Variants in AP4S1 observed in about 807,000 individuals in gnomAD.
The protein encoded by AP4S1 is AP-4 complex subunit sigma-1.
Under a neutral mutation model 19.8 loss-of-function variants are expected in AP4S1, and 23 were observed. That is an observed-to-expected ratio of 1.16 (90% CI 0.84 to 1.65). The LOEUF (loss-of-function observed/expected upper bound fraction) is 1.65, where lower values mean the gene tolerates loss of function less well. Among genes scored for constraint, AP4S1 ranks in the 40% most tolerant of loss-of-function variants. AP4S1 has a pLI of 0.00. For missense variants in AP4S1, 166 were observed against 172.8 expected (o/e 0.96, Z 0.22); for synonymous variants, 46 against 54.1 (o/e 0.85, Z 0.66).
chr14:31,095,721 T>C lies in AP4S1; in HGVS notation c.*2686T>C, dbSNP rs1888184016. On this transcript the variant is annotated 3_prime_UTR_variant, in exon 6 of 6. Transcript: ENST00000542754. The stretch of plus-strand genomic sequence containing the variant: ...GGCCTGAGCCACTGTGCCCAGTCTT[T>C]TTATGCCACATTTTAAAAGGTTTGC... The C allele has an allele frequency of 6.6e-6, 1 of 152,256 alleles. No homozygotes were observed. Among genetic ancestry groups the C allele is most frequent in the African/African-American group, 2.4e-5 (1 of 41,476 alleles). The allele number at this position is 152,256 out of a possible 1,614,324, so 9.4% of individuals were successfully genotyped here.
At chr14:31,056,982 G>A (rs147885718) in intron 1 of AP4S1, among the ~76,000 whole-genome samples, 1,588 of 152,260 alleles carry the variant, frequency 0.01, 14 homozygotes, top group Non-Finnish European at 0.015. Context: ...GCTGAGGTGG[G>A]AGGATTGCTT....
intron 1 of AP4S1, among the ~76,000 whole-genome samples, chr14:31,063,819 TACCATGGTAA>T (rs1886569771): frequency 6.6e-6 from 1 of 152,252 alleles, no homozygotes; most frequent in Non-Finnish European, 1.5e-5. Context: ...TTGGCAAATG[TACCATGGTAA>T]TGTGAGATGC....
intron 1 of AP4S1, among the ~76,000 whole-genome samples, chr14:31,061,705 C>T (rs924747830): frequency 6.6e-6 from 1 of 151,226 alleles, no homozygotes; most frequent in South Asian, 2.1e-4. Flanking sequence ...TGCAGTGGTG[C>T]GATGTCAGCT....
At chr14:31,073,213 G>C (rs1050456559) in intron 4 of AP4S1, 4 of 431,468 alleles carry the variant, frequency 9.3e-6, no homozygotes, top group Non-Finnish European at 1.3e-5. Flanking sequence ...TCTTATAGCA[G>C]GGCGCGATGG....
chr14:31,032,538 T>TTG (rs10687883), intron 1 of AP4S1, among the ~76,000 whole-genome samples: 1 of 150,904 alleles, frequency 6.6e-6, no homozygotes, highest in Non-Finnish European at 1.5e-5. Context: ...TTTTTTTTTT[T>TTG]GAGATGAAGT....
chr14:31,087,514 C>G lies in AP4S1; in HGVS notation c.307-5393C>G, dbSNP rs565607340. Among the ~76,000 whole-genome samples, 4 of 152,202 alleles carry G rather than the reference C, an allele frequency of 2.6e-5. No homozygotes were observed. The South Asian group carries it at 8.3e-4, about 32-fold the overall frequency. ...TGGAATTACAAGCCTGCCACCATGC[C>G]TGGCTAATTTTTGTATTTTTAATAG... On this transcript the variant is annotated intron_variant, in intron 5 of 5. Transcript: ENST00000542754.
At chr14:31,070,236 C>T (rs1886930191) in intron 3 of AP4S1, among the ~76,000 whole-genome samples, 1 of 152,102 alleles carries the variant, frequency 6.6e-6, no homozygotes, top group Admixed American at 6.6e-5. Context: ...TCATGATCCG[C>T]CTGCCTCAGA....
intron 1 of AP4S1, among the ~76,000 whole-genome samples, chr14:31,060,426 C>A (rs529559245): frequency 2.0e-5 from 3 of 152,274 alleles, no homozygotes; most frequent in South Asian, 4.1e-4. Context: ...TGTAGACCAG[C>A]GCCTTTGCTA....
At chr14:31,059,186 T>C (rs1294345111) in intron 1 of AP4S1, among the ~76,000 whole-genome samples, 1 of 152,232 alleles carries the variant, frequency 6.6e-6, no homozygotes, top group Non-Finnish European at 1.5e-5. Context: ...ACAGTTAAAA[T>C]TGTCTAATGT....
At chr14:31,053,844 A>T (rs1015887585) in intron 1 of AP4S1, among the ~76,000 whole-genome samples, 1 of 151,862 alleles carries the variant, frequency 6.6e-6, no homozygotes, top group African/African-American at 2.4e-5. Context: ...TCAATTTATC[A>T]CATTTATGTT....
intron 1 of AP4S1, among the ~76,000 whole-genome samples, chr14:31,048,442 G>A (rs1415230951): frequency 6.6e-6 from 1 of 151,858 alleles, no homozygotes; most frequent in Non-Finnish European, 1.5e-5. Context: ...AAAAATTCTA[G>A]CCAGGACCAC....
chr14:31,055,777 T>C (rs924549060), intron 1 of AP4S1, among the ~76,000 whole-genome samples: 2 of 152,156 alleles, frequency 1.3e-5, no homozygotes, highest in Non-Finnish European at 2.9e-5. Context: ...ATAAAAAGCA[T>C]TTAGAGCTAG....
intron 5 of AP4S1, chr14:31,080,792 T>G: frequency 1.4e-6 from 1 of 725,214 alleles, no homozygotes; most frequent in Non-Finnish European, 2.4e-6. Flanking sequence ...TCTTTTTTTT[T>G]CTTTTTAAGA....
chr14:31,085,209 A>G (rs550109622), intron 5 of AP4S1: 1 of 1,084,488 alleles, frequency 9.2e-7, no homozygotes, highest in East Asian at 6.5e-5. Flanking sequence ...CCATCCTCTG[A>G]CTTCCTGGGC....
At chr14:31,071,431 A>G (rs1294677541) in intron 3 of AP4S1, among the ~76,000 whole-genome samples, 4 of 151,948 alleles carry the variant, frequency 2.6e-5, no homozygotes, top group Non-Finnish European at 5.9e-5. Context: ...AGAAAAAAAG[A>G]TTCTTTTGGA....
intron 4 of AP4S1, chr14:31,073,251 G>C (rs1050518894): frequency 5.2e-5 from 19 of 364,112 alleles, no homozygotes; most frequent in Non-Finnish European, 9.4e-5. Flanking sequence ...AGCACTTTGG[G>C]AGGCTAAGGT....
At position 31,049,428 on chromosome 14, in the gene AP4S1, A is replaced by AATATAT. The variant is rs1182207910; in HGVS notation, c.-71-16669_-71-16664dup. Among the ~76,000 whole-genome samples the AATATAT allele has an allele frequency of 1.3e-3, 76 of 57,716 alleles. 1 individual carries two copies. The highest frequency in any genetic ancestry group is 8.6e-3 in the East Asian group (17 of 1,972). 37.9% of individuals were successfully genotyped at this position (57,716 alleles called of 152,430 possible). ...GACTCGGTCTCAAAAAAAAAAAAAA[A>AATATAT]ATATATATATATATATATATATATA... On this transcript the variant is annotated intron_variant, in intron 1 of 5. Coordinates refer to ENST00000542754, the MANE Select transcript of AP4S1 (RefSeq NM_001128126.3).
At chr14:31,082,580 T>G (rs1348497275) in intron 5 of AP4S1, among the ~76,000 whole-genome samples, 1 of 152,210 alleles carries the variant, frequency 6.6e-6, no homozygotes, top group Non-Finnish European at 1.5e-5. Context: ...AACCCGCTCA[T>G]CTTAAAATGA....
At position 31,095,185 on chromosome 14, in the gene AP4S1, C is replaced by T. The variant is rs1334468080; in HGVS notation, c.*2150C>T. 1.3e-5 allele frequency: 2 copies of T among 152,144 alleles called. No individual in the cohort carries two copies. The highest frequency in any genetic ancestry group is 4.8e-5 in the African/African-American group (2 of 41,418). 9.4% of individuals were successfully genotyped at this position (152,144 alleles called of 1,614,324 possible). A position where few individuals can be genotyped will look rare whatever the true frequency, so the allele number is the denominator to read the frequency against. On this transcript the variant is annotated 3_prime_UTR_variant, in exon 6 of 6. Coordinates refer to ENST00000542754, the MANE Select transcript of AP4S1 (RefSeq NM_001128126.3). ...CTCCAACCTGGGTAATGGAGTGAGG[C>T]CCTGCCTCAAAAACACAAAAACAAA...
Sources: allele counts gnomAD v4.1 joint callset (sites outside exome capture counted in the v4.1 genomes callset), GRCh38; gene constraint gnomAD v4.1.1; transcripts MANE v1.5; gene names NCBI Gene and HGNC (gene_info 2026-07-23, HGNC 2026-07-21).